The following MGA variants were observed in gnomAD, a reference collection of about 807,000 sequenced individuals.
MGA encodes MAX dimerization protein MGA, also known as MAX gene-associated protein.
A neutral mutation model predicts 261.1 loss-of-function variants in MGA; 40 were observed. The observed-to-expected ratio is 0.15, with a 90% CI of 0.12 to 0.20. The LOEUF is 0.20. Ranked by LOEUF, MGA falls within the 10% of genes least tolerant of loss-of-function variation. The pLI is 1.00. For synonymous variants in MGA, 1,302 were observed against 1,290.6 expected (o/e 1.01, Z -0.19); for missense variants, 3,397 against 3,630.5 (o/e 0.94, Z 1.65).
intron 9 of MGA, among the ~76,000 whole-genome samples, chr15:41,713,935 G>A (rs2060502197): frequency 6.6e-6 from 1 of 152,142 alleles, no homozygotes; most frequent in Admixed American, 6.6e-5. Flanking sequence ...GGACAAAGTA[G>A]GATTGTGGTA....
intron 7 of MGA, 118 bp from the exon 8 acceptor site, chr15:41,710,573 T>G (rs2060341929): frequency 9.7e-7 from 1 of 1,031,298 alleles, no homozygotes. Flanking sequence ...AGCTAAGGGA[T>G]AGTTTAGAAG....
At chr15:41,674,320 G>A (rs2058253206) in intron 2 of MGA, among the ~76,000 whole-genome samples, 1 of 151,146 alleles carries the variant, frequency 6.6e-6, no homozygotes, top group African/African-American at 2.4e-5. Context: ...CTCAGCCTCT[G>A]GGGTAGCTGG....
rs1244844995 is a variant in MGA at position 41,669,333 on chromosome 15, A to G, written c.439A>G (p.Lys147Glu). 1 of 1,613,998 alleles carries G rather than the reference A, an allele frequency of 6.2e-7. No homozygotes were observed. The highest frequency in any genetic ancestry group is 1.3e-5 in the African/African-American group (1 of 75,040). ...TGGTCGTTGGTGGGAACCTAGTGGG[A>G]AGGCTGAACCTCATGTTTTGGGGAG... The change falls in exon 2 of 24, where the codon AAG becomes GAG. Residue 147 changes from lysine to glutamate, a missense_variant. By Grantham distance (56) the Lys-to-Glu change is moderately conservative. Transcript: ENST00000219905.
intron 11 of MGA, among the ~76,000 whole-genome samples, chr15:41,733,940 G>C (rs968212862): frequency 7.3e-6 from 1 of 136,520 alleles, no homozygotes; most frequent in Non-Finnish European, 1.6e-5. Flanking sequence ...TTTCGAGATA[G>C]GGCCTCACTC....
At chr15:41,656,377 T>TCTCTCTCTCTCACACA (rs1555403733), upstream of MGA, among the ~76,000 whole-genome samples, 11 of 68,322 alleles carry the variant, frequency 1.6e-4, no homozygotes, top group South Asian at 6.0e-4. Flanking sequence ...TCTCTCTCTC[T>TCTCTCTCTCTCACACA]CACACCCAGG....
At chr15:41,741,992 G>A (rs973756982) in intron 14 of MGA, among the ~76,000 whole-genome samples, 4 of 151,910 alleles carry the variant, frequency 2.6e-5, no homozygotes, top group African/African-American at 7.3e-5. Flanking sequence ...TTACAGGTGT[G>A]AGTCACTGTG....
rs1205355793 is a variant in MGA, at chr15:41,696,446, G to T, written c.1436G>T (p.Ser479Ile). 1 of 1,613,998 alleles carries T rather than the reference G, an allele frequency of 6.2e-7. No homozygotes were observed. Among genetic ancestry groups the T allele is most frequent in the Admixed American group, 1.7e-5 (1 of 60,034 alleles). Residue 479 changes from serine to isoleucine, a missense_variant, in exon 3 of 24, where the codon AGC becomes ATC. Ser to Ile is a moderately radical substitution (Grantham distance 142). Transcript: ENST00000219905. Reference sequence around the variant, plus strand: ...CTGGAGCCCTGTGCTGTCACCAGAAGCACAGTTAAGATTTCTGAACTCCCC... The same window carrying T: ...CTGGAGCCCTGTGCTGTCACCAGAATCACAGTTAAGATTTCTGAACTCCCC...
chr15:41,766,485 A>G lies in MGA; in HGVS notation c.8403A>G (p.Glu2801=), dbSNP rs2063803701. The G allele has an allele frequency of 6.2e-7, 1 of 1,613,936 alleles. No individual in the cohort carries two copies. The highest frequency in any genetic ancestry group is 8.5e-7 in the Non-Finnish European group (1 of 1,179,920). ...GGAAAGTAACATCAGCTATAGAGGAAGCAGCTCTTGATTCCAGTGAACTGC... is the reference window on the plus strand; with the variant it reads ...GGAAAGTAACATCAGCTATAGAGGAGGCAGCTCTTGATTCCAGTGAACTGC... Residue 2801 remains glutamate, a synonymous_variant, in exon 24 of 24, where the codon GAA becomes GAG. Coordinates refer to ENST00000219905, the MANE Select transcript of MGA (RefSeq NM_001164273.2).
upstream of MGA, among the ~76,000 whole-genome samples, chr15:41,657,392 C>T (rs1050555465): frequency 4.0e-5 from 5 of 124,932 alleles, no homozygotes; most frequent in South Asian, 5.2e-4. Flanking sequence ...CTTGCTCTGT[C>T]GTTCAGGCTG....
At position 41,696,671 on chromosome 15, in the gene MGA, C is replaced by T; in HGVS notation, c.1661C>T (p.Pro554Leu). Residue 554 changes from proline to leucine, a missense_variant, in exon 3 of 24, where the codon CCT (proline) becomes CTT (leucine). Coordinates refer to ENST00000219905, the MANE Select transcript of MGA (RefSeq NM_001164273.2). ...CTGAAAGAGCCTCAGTGGAAATATC[C>T]TGATATATCTGACAGCATTAGCACA... 1.2e-6 allele frequency: 2 copies of T among 1,612,664 alleles called. No homozygotes were observed. The highest frequency in any genetic ancestry group is 2.2e-5 in the South Asian group (2 of 90,840).
intron 1 of MGA, among the ~76,000 whole-genome samples, chr15:41,627,462 C>CT (rs967260602): frequency 1.3e-5 from 2 of 152,090 alleles, no homozygotes; most frequent in African/African-American, 4.8e-5. Context: ...GGATTTGATG[C>CT]TTTTTTCATC....
At position 41,769,299 on chromosome 15, in the gene MGA, CTTTTTTTTTT is replaced by C. The variant is rs530927124; in HGVS notation, c.*2030_*2039del. The C allele has an allele frequency of 1.5e-5, 2 of 132,486 alleles. No homozygotes were observed. The highest frequency in any genetic ancestry group is 3.2e-5 in the Non-Finnish European group (2 of 62,524). 8.2% of individuals were successfully genotyped at this position (132,486 alleles called of 1,614,324 possible). A position where few individuals can be genotyped will look rare whatever the true frequency, so the allele number is the denominator to read the frequency against. ...AAGGACCATTTTAGCTTAACACTTC[CTTTTTTTTTT>C]TTTTTTTTTTAAGAAGAATATAGGT... On this transcript the variant is annotated 3_prime_UTR_variant, in exon 24 of 24. Coordinates refer to ENST00000219905, the MANE Select transcript of MGA (RefSeq NM_001164273.2).
chr15:41,695,961 C>G (rs1005256518), intron 2 of MGA, 114 bp from the exon 3 acceptor site: 10 of 785,550 alleles, frequency 1.3e-5, no homozygotes, highest in Non-Finnish European at 2.0e-5. Context: ...AGGAATGGCT[C>G]AGGAAATCTG....
At chr15:41,624,237 G>C (rs1024086651) in intron 1 of MGA, among the ~76,000 whole-genome samples, 79 of 149,632 alleles carry the variant, frequency 5.3e-4, no homozygotes, top group Non-Finnish European at 7.4e-5. Context: ...GGTAATTTTT[G>C]TATTTTTTTT....
intron 1 of MGA, among the ~76,000 whole-genome samples, chr15:41,626,794 C>T (rs1024875216): frequency 1.3e-5 from 2 of 152,022 alleles, no homozygotes; most frequent in South Asian, 4.2e-4. Flanking sequence ...TTTCATATAC[C>T]TAGCTTCCCT....
At chr15:41,761,154 G>T (rs531123604) in intron 20 of MGA, among the ~76,000 whole-genome samples, 1 of 152,182 alleles carries the variant, frequency 6.6e-6, no homozygotes, top group African/African-American at 2.4e-5. Flanking sequence ...CCACATTCTC[G>T]TTACATTGGT....
chr15:41,659,888 C>T (rs1348492902), upstream of MGA, among the ~76,000 whole-genome samples: 1 of 152,250 alleles, frequency 6.6e-6, no homozygotes, highest in Non-Finnish European at 1.5e-5. Context: ...GTAAACTCGA[C>T]CATCCGTCTC....
chr15:41,645,583 GA>G lies in MGA; in HGVS notation c.-67-23235del, dbSNP rs957645158. On this transcript the variant is annotated intron_variant, in intron 1 of 8. Transcript: ENST00000566718. ...TGGGCTACAGAGTGAGACTCTGTCTGAAAAAAAAAATTGTTGGATTCTTTGA... is the reference window on the plus strand; with the variant it reads ...TGGGCTACAGAGTGAGACTCTGTCTGAAAAAAAAATTGTTGGATTCTTTGA... Among the ~76,000 whole-genome samples, 52 of 149,718 alleles carry G rather than the reference GA, an allele frequency of 3.5e-4. 1 individual carries two copies. Among genetic ancestry groups the G allele is most frequent in the African/African-American group, 1.2e-3 (49 of 40,992 alleles).
At chr15:41,639,654 C>T (rs2056782857) in intron 1 of MGA, among the ~76,000 whole-genome samples, 1 of 152,116 alleles carries the variant, frequency 6.6e-6, no homozygotes, top group Admixed American at 6.6e-5. Flanking sequence ...ACACCATTCC[C>T]CTGCCTCAGC....
Sources: gnomAD v4.1 joint callset for allele counts (sites outside exome capture counted in the v4.1 genomes callset) on GRCh38, gnomAD v4.1.1 for gene constraint, MANE v1.5 for transcripts, NCBI Gene and HGNC (gene_info 2026-07-23, HGNC 2026-07-21) for gene names.